Variants in COL3A1 observed in about 807,000 individuals in gnomAD.
COL3A1 encodes the protein collagen type III alpha 1 chain.
Under a neutral mutation model 200.9 loss-of-function variants are expected in COL3A1, and 46 were observed. The ratio of observed to expected loss-of-function variants is 0.23; its 90% confidence interval spans 0.18 to 0.29. The LOEUF is 0.29. COL3A1 is among the 10% of genes least tolerant of loss of function. The pLI is 1.00. For synonymous variants in COL3A1, 650 were observed against 628.0 expected (o/e 1.03, Z -0.52); for missense variants, 1,367 against 1,917.6 (o/e 0.71, Z 5.36).
At chr2:188,986,782 T>TC (rs2153501609) in intron 4 of COL3A1, among the ~76,000 whole-genome samples, 1 of 152,106 alleles carries the variant, frequency 6.6e-6, no homozygotes, top group East Asian at 1.9e-4. Context: ...AAATAATAGC[T>TC]TAAGTAAGCG....
At chr2:189,008,831 T>C in intron 47 of COL3A1, 93 bp from the exon 48 acceptor site, 1 of 1,370,168 alleles carries the variant, frequency 7.3e-7, no homozygotes. Context: ...AATGAATGAA[T>C]TATTTTTAAG....
In COL3A1 at chr2:188,988,113, A is replaced by C. The variant is rs747650774; in HGVS notation, c.561A>C (p.Thr187=). The change falls in exon 6 of 51, where the codon ACA becomes ACC. Residue 187 remains threonine, a synonymous_variant. Coordinates refer to ENST00000304636, the MANE Select transcript of COL3A1 (RefSeq NM_000090.4). ...CAGGCCCTCCCGGTCCCCCTGGTAC[A>C]TCTGGTCATCCTGGTTCCCCTGTAA... ...GPPGPPGPPG[T]SGHPGSPGSP... 1.2e-6 allele frequency: 2 copies of C among 1,613,048 alleles called. No individual in the cohort carries two copies. The highest frequency in any genetic ancestry group is 8.5e-7 in the Non-Finnish European group (1 of 1,179,246).
At chr2:188,986,970 G>A (rs1044487113) in intron 4 of COL3A1, 89 bp from the exon 5 acceptor site, 39 of 1,093,838 alleles carry the variant, frequency 3.6e-5, no homozygotes, top group Non-Finnish European at 4.9e-5. Context: ...TCAGTAGACA[G>A]TAGATGTTGC....
Position 188,992,936 on chromosome 2 carries a change from C to A in COL3A1, c.1046C>A (p.Ala349Asp). 1.2e-6 allele frequency: 2 copies of A among 1,613,748 alleles called. No homozygotes were observed. The highest frequency in any genetic ancestry group is 1.7e-6 in the Non-Finnish European group (2 of 1,179,780). The change falls in exon 15 of 51, where the codon GCT (alanine) becomes GAT (aspartate). Residue 349 changes from alanine (A) to aspartate (D), a missense_variant. Ala to Asp is a moderately radical substitution (Grantham distance 126). Coordinates refer to ENST00000304636, the MANE Select transcript of COL3A1 (RefSeq NM_000090.4). ...GTAGFPGSPG[A>D]KGEVGPAGSP... ...GCCGGATTCCCTGGATCCCCTGGTG[C>A]TAAGGTAAACATGTGTTTCTATAGA...
In COL3A1 at chr2:189,003,391, T is replaced by C. The variant is rs2153503426; in HGVS notation, c.2554-20T>C. The C allele has an allele frequency of 1.2e-6, 2 of 1,612,176 alleles. No homozygotes were observed. The highest frequency in any genetic ancestry group is 8.5e-7 in the Non-Finnish European group (1 of 1,178,400). ...TGATTTTGGTGCTATTCTTACATAATTTCCTTCCATTTCATATAGGGTCCT... is the reference window on the plus strand; with the variant it reads ...TGATTTTGGTGCTATTCTTACATAACTTCCTTCCATTTCATATAGGGTCCT... On this transcript the variant is annotated intron_variant, in intron 36 of 50. Coordinates refer to ENST00000304636, the MANE Select transcript of COL3A1 (RefSeq NM_000090.4).
chr2:189,003,830 A>G, intron 38 of COL3A1, 43 bp downstream of exon 38: 2 of 1,605,294 alleles, frequency 1.2e-6, no homozygotes, highest in Non-Finnish European at 1.7e-6. Context: ...CACTTCAGAA[A>G]GAGCATTCAT....
chr2:189,004,775 G>GTATTATATTCCTATAACAT (rs2153503584), intron 40 of COL3A1, among the ~76,000 whole-genome samples: 1 of 152,170 alleles, frequency 6.6e-6, no homozygotes, highest in South Asian at 2.1e-4. Context: ...TCTTTCACTA[G>GTATTATATTCCTATAACAT]TATTATATTC....
chr2:188,987,530 A>G (rs1330024644), intron 5 of COL3A1, among the ~76,000 whole-genome samples: 1 of 152,110 alleles, frequency 6.6e-6, no homozygotes, highest in East Asian at 1.9e-4. Context: ...TTTAATCTGT[A>G]TTTCTGAACA....
At chr2:189,006,317 T>C (rs1688584940) in intron 42 of COL3A1, 28 bp from the exon 43 acceptor site, 1 of 1,614,064 alleles carries the variant, frequency 6.2e-7, no homozygotes, top group African/African-American at 1.3e-5. Context: ...TCATCATGTT[T>C]ATTTTGTACC....
At chr2:188,993,848 A>G (rs551426903) in intron 16 of COL3A1, among the ~76,000 whole-genome samples, 190 bp from the exon 17 acceptor site, 12 of 152,352 alleles carry the variant, frequency 7.9e-5, no homozygotes, top group South Asian at 4.1e-4. Flanking sequence ...AGTACATATT[A>G]TCTCTAATTT....
intron 48 of COL3A1, among the ~76,000 whole-genome samples, chr2:189,009,576 T>G (rs560704069): frequency 2.6e-5 from 4 of 152,296 alleles, no homozygotes; most frequent in Admixed American, 1.3e-4. Context: ...CTTATTGCAA[T>G]GAATCTAATT....
At position 188,996,284 on chromosome 2, in the gene COL3A1, GTATATGTATATC is replaced by G. The variant is rs1349449877; in HGVS notation, c.1663-108_1663-97del. The stretch of plus-strand genomic sequence containing the variant: ...TGTGTGTGTGTGTATATATATATAT[GTATATGTATATC>G]TATATATATACACACACACACACAC... On this transcript the variant is annotated intron_variant, in intron 23 of 50. Transcript: ENST00000304636. 4.2e-6 allele frequency: 3 copies of G among 716,450 alleles called. No homozygotes were observed. In the African/African-American group the frequency reaches 1.2e-4, roughly 29 times the overall value. 44.4% of individuals were successfully genotyped at this position (716,450 alleles called of 1,614,324 possible).
rs1046009262 is a variant in COL3A1 at position 188,997,270 on chromosome 2, T to C, written c.1815+52T>C. 1.9e-6 allele frequency: 3 copies of C among 1,612,978 alleles called. No homozygotes were observed. The African/African-American group carries it at 4.0e-5, about 22-fold the overall frequency. ...TAGCCTTCTAATAGATGCGTTCATC[T>C]CCAACCTTCTGACTTCTCTCTGTAA... On this transcript the variant is annotated intron_variant, in intron 25 of 50. Transcript: ENST00000304636.
chr2:189,008,323 A>T, intron 47 of COL3A1, 181 bp downstream of exon 47: 3 of 645,334 alleles, frequency 4.6e-6, no homozygotes, highest in Non-Finnish European at 8.1e-6. Context: ...ACACTATAAC[A>T]GGAGAAAAAT....
intron 1 of COL3A1, among the ~76,000 whole-genome samples, chr2:188,980,831 C>G (rs967671619): frequency 6.6e-6 from 1 of 151,094 alleles, no homozygotes. Context: ...CAATTGGAAA[C>G]TATATGAATG....
In COL3A1 at chr2:188,994,906, C is replaced by G. The variant is rs1688270610; in HGVS notation, c.1455+75C>G. On this transcript the variant is annotated intron_variant, in intron 20 of 50. Coordinates refer to ENST00000304636, the MANE Select transcript of COL3A1 (RefSeq NM_000090.4). The surrounding 1 kb of genome is among the most constrained non-coding windows in gnomAD (Gnocchi z 4.5). The stretch of plus-strand genomic sequence containing the variant: ...AAATAAAACTACCTTCAGGGTGAGA[C>G]AGCCAATTTTTCTTAAGTTGAGTGT... The G allele has an allele frequency of 6.4e-7, 1 of 1,572,934 alleles. No homozygotes were observed. The highest frequency in any genetic ancestry group is 8.7e-7 in the Non-Finnish European group (1 of 1,143,628).
At chr2:188,974,624 ACAAAGAG>A (rs1278327481) in intron 1 of COL3A1, 56 bp downstream of exon 1, 1 of 1,401,814 alleles carries the variant, frequency 7.1e-7, no homozygotes, top group African/African-American at 1.4e-5. Flanking sequence ...TCTTCTCCTC[ACAAAGAG>A]GGGTGTAAAG....
chr2:188,976,703 G>C (rs1687825757), intron 1 of COL3A1, among the ~76,000 whole-genome samples: 1 of 152,106 alleles, frequency 6.6e-6, no homozygotes, highest in Non-Finnish European at 1.5e-5. Flanking sequence ...GCATTTTCTG[G>C]ATACAAACAA....
At position 189,005,392 on chromosome 2, in the gene COL3A1, C is replaced by T. The variant is rs1431359737; in HGVS notation, c.2974C>T (p.Arg992Cys). 2.5e-6 allele frequency: 4 copies of T among 1,614,016 alleles called. No homozygotes were observed. Among genetic ancestry groups the T allele is most frequent in the East Asian group, 2.2e-5 (1 of 44,866 alleles). The change falls in exon 41 of 51, where the codon CGT (arginine) becomes TGT (cysteine). Residue 992 changes from arginine (R) to cysteine (C), a missense_variant. Physicochemically the swap from Arg to Cys is radical, Grantham distance 180. Around this residue, in one of 5 missense-constraint regions of COL3A1, gnomAD observed 846 missense variants for 1,147.9 expected, o/e 0.74. Coordinates refer to ENST00000304636, the MANE Select transcript of COL3A1 (RefSeq NM_000090.4). ...KPGANGLSGE[R>C]GPPGPQGLPG... ...AGGAGCTAACGGTCTCAGTGGAGAA[C>T]GTGGTCCCCCTGGACCCCAGGGTCT...
Sources: allele counts gnomAD v4.1 joint callset (sites outside exome capture counted in the v4.1 genomes callset), GRCh38; gene constraint gnomAD v4.1.1; regional missense constraint gnomAD v4.1.1; non-coding constraint Gnocchi (gnomAD v3.1); transcripts MANE v1.5; gene names NCBI Gene and HGNC (gene_info 2026-07-23, HGNC 2026-07-21).